ZMYM2: variants seen among roughly 807,000 people sequenced by gnomAD.
ZMYM2 encodes zinc finger MYM-type containing 2, also known as zinc finger MYM-type protein 2.
ZMYM2 carries 56 observed loss-of-function variants against 162.8 expected under a neutral mutation model. The observed-to-expected ratio is 0.34, with a 90% CI of 0.28 to 0.43. The LOEUF is 0.43. Ranked by LOEUF, ZMYM2 falls within the 20% of genes least tolerant of loss-of-function variation. The pLI, the probability that ZMYM2 is intolerant of heterozygous loss-of-function variation, is 1.00. For synonymous variants in ZMYM2, 510 were observed against 541.6 expected, an observed-to-expected ratio of 0.94 and a Z score of 0.81; for missense variants, 1,275 against 1,621.8, an observed-to-expected ratio of 0.79 and a Z score of 3.67.
the ZMYM2 span, among the ~76,000 whole-genome samples, chr13:19,876,575 G>A: frequency 9.2e-5 from 14 of 152,038 alleles, no homozygotes; most frequent in Admixed American, 8.5e-4. Flanking sequence ...TGCCTGCCCT[G>A]ACCTCCCAAA....
At chr13:19,884,604 G>T in the ZMYM2 span, among the ~76,000 whole-genome samples, 2 of 152,012 alleles carry the variant, frequency 1.3e-5, no homozygotes, top group African/African-American at 4.8e-5. Context: ...GGTCCTCACG[G>T]TGAGTATTAC....
intron 6 of ZMYM2, among the ~76,000 whole-genome samples, chr13:20,011,554 C>A (rs1951178729): frequency 6.6e-6 from 1 of 150,502 alleles, no homozygotes. Context: ...CTTTGATGTG[C>A]AGAAGTTTTT....
At chr13:19,890,871 C>CAAA in the ZMYM2 span, among the ~76,000 whole-genome samples, 102 of 128,860 alleles carry the variant, frequency 7.9e-4, 1 homozygote, top group East Asian at 0.022. Context: ...GACTCCATTT[C>CAAA]AAAAAAAAAA....
chr13:20,079,316 C>CAAAAAAAAAAAAAAA (rs1158594782), intron 21 of ZMYM2, among the ~76,000 whole-genome samples: 2 of 23,164 alleles, frequency 8.6e-5, no homozygotes, highest in African/African-American at 2.2e-4. Flanking sequence ...GACTCTGTCT[C>CAAAAAAAAAAAAAAA]AAAAAAAAAA....
At chr13:19,921,340 A>G in the ZMYM2 span, among the ~76,000 whole-genome samples, 8 of 152,164 alleles carry the variant, frequency 5.3e-5, no homozygotes, top group African/African-American at 1.7e-4. Flanking sequence ...GGGTTTCACC[A>G]TGTTGGTCAG....
chr13:19,956,158 C>T (rs1032374987), upstream of ZMYM2, among the ~76,000 whole-genome samples: 2 of 152,232 alleles, frequency 1.3e-5, no homozygotes, highest in Non-Finnish European at 2.9e-5. Flanking sequence ...CCCACTTCTC[C>T]AGTTCTGGGC....
intron 6 of ZMYM2, among the ~76,000 whole-genome samples, chr13:20,017,238 T>C (rs924218534): frequency 6.6e-6 from 1 of 152,226 alleles, no homozygotes; most frequent in East Asian, 1.9e-4. Flanking sequence ...AGGCATCACA[T>C]TGTAGCCCGG....
In ZMYM2 at chr13:20,088,499, T is replaced by TA; in HGVS notation, c.*2486dup. 1 of 199,952 alleles carries TA rather than the reference T, an allele frequency of 5.0e-6. No homozygotes were observed. The highest frequency in any genetic ancestry group is 1.0e-5 in the Non-Finnish European group (1 of 96,812). 12.4% of individuals were successfully genotyped at this position (199,952 alleles called of 1,614,324 possible). A position where few individuals can be genotyped will look rare whatever the true frequency, so the allele number is the denominator to read the frequency against. On this transcript the variant is annotated 3_prime_UTR_variant, in exon 25 of 25. Transcript: ENST00000610343. ...CCATTTAAAATGATCCAGTGAAAAA[T>TA]ATTTATCCACATTGAAGAAAGTGGA...
the ZMYM2 span, among the ~76,000 whole-genome samples, chr13:19,899,672 C>T: frequency 2.0e-5 from 3 of 151,436 alleles, no homozygotes; most frequent in South Asian, 6.2e-4. Flanking sequence ...AAAAAATTAT[C>T]GGGGCATGGT....
chr13:20,001,960 T>A (rs1440667950), intron 3 of ZMYM2, among the ~76,000 whole-genome samples: 2 of 152,222 alleles, frequency 1.3e-5, no homozygotes, highest in Admixed American at 6.5e-5. Flanking sequence ...ACCAAAAAAA[T>A]TCCCATGTCT....
At chr13:19,921,325 A>G in the ZMYM2 span, among the ~76,000 whole-genome samples, 1 of 152,030 alleles carries the variant, frequency 6.6e-6, no homozygotes, top group Non-Finnish European at 1.5e-5. Flanking sequence ...TTTTTGGTAG[A>G]AACAGGGTTT....
chr13:20,024,923 G>A (rs1038008316), intron 7 of ZMYM2: 2 of 215,624 alleles, frequency 9.3e-6, no homozygotes, highest in Admixed American at 5.8e-5. Context: ...AGTAGGCAGC[G>A]TAAGTGGTTT....
chr13:19,971,574 C>G (rs8002415), intron 2 of ZMYM2, among the ~76,000 whole-genome samples: 15,423 of 151,772 alleles, frequency 0.1, 1,292 homozygotes, highest in African/African-American at 0.22. Flanking sequence ...CCAGCCGATT[C>G]ATTTTTAAGA....
At chr13:20,001,560 C>T (rs921966596) in intron 3 of ZMYM2, among the ~76,000 whole-genome samples, 10 of 152,014 alleles carry the variant, frequency 6.6e-5, no homozygotes, top group Non-Finnish European at 7.4e-5. Context: ...GTTGAAATGA[C>T]AACAAAGGAT....
intron 2 of ZMYM2, among the ~76,000 whole-genome samples, chr13:19,977,496 C>CT (rs35672590): frequency 0.17 from 24,047 of 141,398 alleles, 2,324 homozygotes; most frequent in African/African-American, 0.23. Context: ...CTTTCCATTT[C>CT]TTTTTTTTTT....
At chr13:19,926,406 C>G in the ZMYM2 span, among the ~76,000 whole-genome samples, 1 of 149,534 alleles carries the variant, frequency 6.7e-6, no homozygotes, top group South Asian at 2.1e-4. Context: ...TTCTGTCGCC[C>G]AGGCTGGAGT....
the ZMYM2 span, among the ~76,000 whole-genome samples, chr13:19,918,495 C>CTTTTTTTTTTTTTTTTT: frequency 9.3e-6 from 1 of 107,504 alleles, no homozygotes; most frequent in Non-Finnish European, 1.9e-5. Context: ...TTCTTTCTTT[C>CTTTTTTTTTTTTTTTTT]TTTTTTTTTT....
the ZMYM2 span, among the ~76,000 whole-genome samples, chr13:19,904,163 TCA>T: frequency 6.7e-6 from 1 of 150,188 alleles, no homozygotes; most frequent in Admixed American, 6.8e-5. Flanking sequence ...GGAATTTATC[TCA>T]GAGGTGGATT....
chr13:19,948,254 C>T, the ZMYM2 span, among the ~76,000 whole-genome samples: 7 of 152,162 alleles, frequency 4.6e-5, no homozygotes, highest in African/African-American at 1.7e-4. Context: ...TTGGCATTTG[C>T]CCAAACGAGT....
Sources: allele counts gnomAD v4.1 joint callset (sites outside exome capture counted in the v4.1 genomes callset), GRCh38; gene constraint gnomAD v4.1.1; transcripts MANE v1.5; gene names NCBI Gene and HGNC (gene_info 2026-07-23, HGNC 2026-07-21).